Variants in PIWIL1 observed in about 807,000 individuals in gnomAD.
PIWIL1 encodes piwi-like protein 1.
A neutral mutation model predicts 114.4 loss-of-function variants in PIWIL1; 73 were observed. The ratio of observed to expected loss-of-function variants is 0.64; its 90% CI spans 0.53 to 0.78. PIWIL1 has a LOEUF of 0.78. PIWIL1 is among the 30% of genes least tolerant of loss of function. The pLI, the probability that PIWIL1 is intolerant of heterozygous loss-of-function variation, is 0.00. For missense variants in PIWIL1, 723 were observed against 1,063.1 expected, an observed-to-expected ratio of 0.68 and a Z score of 4.45; for synonymous variants, 375 against 369.0, an observed-to-expected ratio of 1.02 and a Z score of -0.19.
At chr12:130,344,037 C>G (rs539146168) in intron 3 of PIWIL1, among the ~76,000 whole-genome samples, 15 of 152,288 alleles carry the variant, frequency 9.8e-5, no homozygotes, top group African/African-American at 3.4e-4. Flanking sequence ...CCAGTCTTGT[C>G]CATTCTGAAA....
intron 9 of PIWIL1, among the ~76,000 whole-genome samples, chr12:130,350,386 A>T (rs751096677): frequency 1.3e-5 from 2 of 152,206 alleles, no homozygotes; most frequent in Non-Finnish European, 2.9e-5. Context: ...TGCTAAATCT[A>T]CTGCCTGTGG....
At chr12:130,371,033 A>C (rs2073803614) in intron 19 of PIWIL1, 143 bp from the exon 20 acceptor site, 3 of 698,682 alleles carry the variant, frequency 4.3e-6, no homozygotes, top group Non-Finnish European at 7.4e-6. Context: ...CCTGGACTTC[A>C]AGGAAGCACG....
At chr12:130,349,464 A>G (rs2073155617) in intron 8 of PIWIL1, 28 bp downstream of exon 8, 2 of 1,478,112 alleles carry the variant, frequency 1.4e-6, no homozygotes, top group Non-Finnish European at 1.9e-6. Flanking sequence ...AGTGCACAAT[A>G]ATTTTTTGTG....
At chr12:130,358,506 C>CA (rs1221402260) in intron 14 of PIWIL1, among the ~76,000 whole-genome samples, 3 of 152,106 alleles carry the variant, frequency 2.0e-5, no homozygotes, top group African/African-American at 7.2e-5. Context: ...AGTGAACCCT[C>CA]ACAGCACTTC....
chr12:130,404,198 A>C, the PIWIL1 span, among the ~76,000 whole-genome samples: 1 of 152,220 alleles, frequency 6.6e-6, no homozygotes, highest in Non-Finnish European at 1.5e-5. Flanking sequence ...TTTGTGGGGG[A>C]CATGTACACA....
At chr12:130,351,077 C>T (rs1015749207) in intron 9 of PIWIL1, 1 of 152,172 alleles carries the variant, frequency 6.6e-6, no homozygotes, top group Non-Finnish European at 1.5e-5. Flanking sequence ...AACCTGGATC[C>T]CTCTGGGTGT....
chr12:130,340,680 G>T (rs1247419446), intron 1 of PIWIL1, among the ~76,000 whole-genome samples: 1 of 150,144 alleles, frequency 6.7e-6, no homozygotes, highest in Admixed American at 6.6e-5. Context: ...TGGTGGTGGT[G>T]CTGCTGCTGC....
chr12:130,411,451 A>C, the PIWIL1 span, among the ~76,000 whole-genome samples: 1 of 152,326 alleles, frequency 6.6e-6, no homozygotes, highest in South Asian at 2.1e-4. Context: ...GATCACATTC[A>C]GCCTTTCACC....
At chr12:130,389,643 A>T in the PIWIL1 span, among the ~76,000 whole-genome samples, 27 of 152,266 alleles carry the variant, frequency 1.8e-4, 1 homozygote, top group East Asian at 2.1e-3. Context: ...AGTATTATTA[A>T]CATCTTCTGT....
At chr12:130,360,900 A>G (rs1344236695) in intron 14 of PIWIL1, among the ~76,000 whole-genome samples, 1 of 152,232 alleles carries the variant, frequency 6.6e-6, no homozygotes, top group Non-Finnish European at 1.5e-5. Context: ...CTGGTTACAT[A>G]GAGCATATTT....
At chr12:130,399,952 C>A in the PIWIL1 span, 13 of 970,238 alleles carry the variant, frequency 1.3e-5, no homozygotes, top group Middle Eastern at 3.3e-4. Flanking sequence ...CTTGAAAGGA[C>A]TCTAAATCAG....
chr12:130,364,949 AC>A (rs2073613937), intron 18 of PIWIL1, among the ~76,000 whole-genome samples: 1 of 152,212 alleles, frequency 6.6e-6, no homozygotes, highest in South Asian at 2.1e-4. Flanking sequence ...TACTAGGAGT[AC>A]ACACTCCTGG....
At chr12:130,339,126 G>A (rs2072821021) in intron 1 of PIWIL1, among the ~76,000 whole-genome samples, 1 of 152,110 alleles carries the variant, frequency 6.6e-6, no homozygotes, top group Non-Finnish European at 1.5e-5. Flanking sequence ...CTTGGGAGCC[G>A]GACGTTGGGA....
chr12:130,390,259 G>C, the PIWIL1 span, among the ~76,000 whole-genome samples: 1 of 152,126 alleles, frequency 6.6e-6, no homozygotes, highest in Admixed American at 6.5e-5. Context: ...TTTGAAAATA[G>C]TGCTGTGAGA....
chr12:130,345,697 A>G, intron 3 of PIWIL1, 56 bp from the exon 4 acceptor site: 1 of 1,595,114 alleles, frequency 6.3e-7, no homozygotes, highest in Non-Finnish European at 8.6e-7. Flanking sequence ...GGGAGTTAAT[A>G]TTGTCATCCT....
At chr12:130,355,745 G>A in intron 12 of PIWIL1, 78 bp downstream of exon 12, 1 of 1,000,890 alleles carries the variant, frequency 1.0e-6, no homozygotes, top group African/African-American at 1.6e-5. Flanking sequence ...GAGTACAGTG[G>A]TGCAATCTCA....
intron 1 of PIWIL1, among the ~76,000 whole-genome samples, chr12:130,339,278 T>A (rs2136114324): frequency 6.6e-6 from 1 of 152,244 alleles, no homozygotes; most frequent in East Asian, 1.9e-4. Flanking sequence ...GGTGGCGTCC[T>A]GGGATGGATG....
chr12:130,348,048 A>T, intron 6 of PIWIL1, 55 bp from the exon 7 acceptor site: 7 of 1,187,944 alleles, frequency 5.9e-6, no homozygotes, highest in Non-Finnish European at 8.7e-6. Context: ...TGCTGTTCTG[A>T]TTGTCGTATT....
chr12:130,365,331 A>G (rs994554766), intron 18 of PIWIL1, among the ~76,000 whole-genome samples: 1 of 152,206 alleles, frequency 6.6e-6, no homozygotes, highest in African/African-American at 2.4e-5. Context: ...GAAGAAGGGA[A>G]CAGTTAACTG....
Sources: allele counts gnomAD v4.1 joint callset (sites outside exome capture counted in the v4.1 genomes callset), GRCh38; gene constraint gnomAD v4.1.1; transcripts MANE v1.5; gene names NCBI Gene and HGNC (gene_info 2026-07-23, HGNC 2026-07-21).